CARNMT1: variants seen among roughly 807,000 people sequenced by gnomAD.
The protein encoded by CARNMT1 is protein-L-histidine N-pros-methyltransferase CARNMT1.
Under a neutral mutation model 49.6 loss-of-function variants are expected in CARNMT1, and 28 were observed. The ratio of observed to expected loss-of-function variants is 0.56; its 90% CI spans 0.42 to 0.77. The LOEUF (loss-of-function observed/expected upper bound fraction) is 0.77. Among genes scored for constraint, CARNMT1 ranks in the 30% least tolerant of loss-of-function variants. The pLI is 0.00. For synonymous variants in CARNMT1, 178 were observed against 175.0 expected, an observed-to-expected ratio of 1.02 and a Z score of -0.13; for missense variants, 421 against 512.6, an observed-to-expected ratio of 0.82 and a Z score of 1.73.
intron 3 of CARNMT1, among the ~76,000 whole-genome samples, chr9:75,006,186 G>A (rs34694398): frequency 6.6e-6 from 1 of 151,862 alleles, no homozygotes; most frequent in Non-Finnish European, 1.5e-5. Context: ...CAGGTAGCTG[G>A]GATTACAAGT....
intron 3 of CARNMT1, among the ~76,000 whole-genome samples, chr9:75,013,239 T>C (rs1833753244): frequency 1.3e-5 from 2 of 152,180 alleles, no homozygotes; most frequent in East Asian, 1.9e-4. Context: ...CCAACTGATA[T>C]TTCTCACCAT....
intron 3 of CARNMT1, among the ~76,000 whole-genome samples, chr9:75,011,560 G>C (rs959875930): frequency 1.3e-5 from 2 of 152,122 alleles, no homozygotes; most frequent in African/African-American, 4.8e-5. Context: ...TAGAGATGAG[G>C]TCTCACTACA....
intron 3 of CARNMT1, among the ~76,000 whole-genome samples, chr9:75,008,011 A>G (rs1057003134): frequency 5.3e-5 from 8 of 152,050 alleles, no homozygotes; most frequent in Admixed American, 3.3e-4. Context: ...TGCTTCTATT[A>G]CATTAGCAAC....
intron 3 of CARNMT1, among the ~76,000 whole-genome samples, chr9:75,006,564 AT>A (rs1321997438): frequency 1.3e-5 from 2 of 152,212 alleles, no homozygotes; most frequent in Non-Finnish European, 2.9e-5. Context: ...TAGATATTAC[AT>A]TTCAGTGTAC....
chr9:74,986,770 C>T (rs1205300912), intron 6 of CARNMT1, among the ~76,000 whole-genome samples: 1 of 152,186 alleles, frequency 6.6e-6, no homozygotes, highest in Non-Finnish European at 1.5e-5. Context: ...ATCCCTACTG[C>T]TCATTCTTCT....
At chr9:75,028,397 T>C (rs1822597090), upstream of CARNMT1, 1 of 1,292,936 alleles carries the variant, frequency 7.7e-7, no homozygotes, top group Admixed American at 4.3e-5. Context: ...CCATCCGCGC[T>C]GGGCTCCGCC....
At chr9:75,027,920 G>A (rs1564110407) in intron 1 of CARNMT1, 92 bp downstream of exon 1, 3 of 1,355,224 alleles carry the variant, frequency 2.2e-6, no homozygotes, top group Admixed American at 3.8e-5. Flanking sequence ...GAGGCGTGGC[G>A]GCGGGACGGC....
chr9:75,016,462 T>C (rs760424605), intron 2 of CARNMT1, 31 bp from the exon 3 acceptor site: 2 of 1,607,156 alleles, frequency 1.2e-6, no homozygotes, highest in South Asian at 2.2e-5. Context: ...AATTAGCTTC[T>C]GAGAGAGTAA....
In CARNMT1 at chr9:74,998,755, A is replaced by G. The variant is rs748198436; in HGVS notation, c.753T>C (p.Tyr251=). ...ACTGATGGATCCAAGGATAAAGTTT[A>G]TATTTATTAATTTCAGAACATCTGC... is the stretch of plus-strand genomic sequence containing the variant. ...VLNRCSEINK[Y]KLYPWIHQFS... Residue 251 remains tyrosine, a synonymous_variant, in exon 5 of 8, where the codon TAT becomes TAC. Coordinates refer to ENST00000376834, the MANE Select transcript of CARNMT1 (RefSeq NM_152420.3). The G allele has an allele frequency of 6.5e-7, 1 of 1,530,534 alleles. No homozygotes were observed. The highest frequency in any genetic ancestry group is 8.8e-7 in the Non-Finnish European group (1 of 1,135,160). The allele number at this position is 1,530,534 out of a possible 1,614,324, so 94.8% of individuals were successfully genotyped here.
intron 7 of CARNMT1, 31 bp from the exon 8 acceptor site, chr9:74,983,899 G>A: frequency 6.7e-7 from 1 of 1,489,316 alleles, no homozygotes; most frequent in East Asian, 2.3e-5. Context: ...ATAATACTAT[G>A]ACAGTCATCA....
intron 6 of CARNMT1, among the ~76,000 whole-genome samples, chr9:74,993,554 A>T (rs1434969234): frequency 6.6e-6 from 1 of 152,158 alleles, no homozygotes; most frequent in Non-Finnish European, 1.5e-5. Flanking sequence ...GTCCTTAAGG[A>T]AATTACTACA....
rs1467151201 is a variant in CARNMT1, at chr9:75,027,085, C to T, written c.230+927G>A. 2.3e-6 allele frequency: 3 copies of T among 1,304,188 alleles called. No homozygotes were observed. In the African/African-American group the frequency reaches 4.6e-5, roughly 20 times the overall value. 80.8% of individuals were successfully genotyped at this position (1,304,188 alleles called of 1,614,324 possible). On this transcript the variant is annotated intron_variant, in intron 1 of 7. Transcript: ENST00000376834. The stretch of plus-strand genomic sequence containing the variant: ...GGAGGTCATGTCTGTCTGATTCCAA[C>T]TGCAGCCTCAGAACATAGTCACCGG...
At chr9:75,010,707 C>T (rs1833665850) in intron 3 of CARNMT1, among the ~76,000 whole-genome samples, 1 of 152,058 alleles carries the variant, frequency 6.6e-6, no homozygotes, top group African/African-American at 2.4e-5. Flanking sequence ...TACCTAAACC[C>T]CAAGACATTA....
chr9:75,001,180 A>G (rs558807050), intron 3 of CARNMT1, among the ~76,000 whole-genome samples: 1 of 152,178 alleles, frequency 6.6e-6, no homozygotes, highest in Non-Finnish European at 1.5e-5. Context: ...AAGGATTTGG[A>G]AGTAAATTCA....
intron 1 of CARNMT1, among the ~76,000 whole-genome samples, chr9:75,021,510 G>A (rs1822363151): frequency 6.7e-6 from 1 of 148,502 alleles, no homozygotes; most frequent in African/African-American, 2.5e-5. Flanking sequence ...AAAGGAGTAG[G>A]TATATCTCAT....
At chr9:74,984,718 G>GA (rs1187114043) in intron 7 of CARNMT1, among the ~76,000 whole-genome samples, 189 bp downstream of exon 7, 3 of 152,156 alleles carry the variant, frequency 2.0e-5, no homozygotes, top group African/African-American at 4.8e-5. Context: ...TGCAAAATTG[G>GA]AAAAAAATCC....
intron 3 of CARNMT1, among the ~76,000 whole-genome samples, chr9:75,007,758 A>G (rs1230497268): frequency 1.3e-5 from 2 of 149,094 alleles, no homozygotes; most frequent in Non-Finnish European, 3.0e-5. Flanking sequence ...AAAAAAAAAA[A>G]CTAAGAAAAT....
In CARNMT1 at chr9:74,999,975, A is replaced by C. The variant is rs1369649696; in HGVS notation, c.591-105T>G. On this transcript the variant is annotated intron_variant, in intron 3 of 7. Coordinates refer to ENST00000376834, the MANE Select transcript of CARNMT1 (RefSeq NM_152420.3). Reference sequence around the variant, plus strand: ...CTTACTCATTTACTCAATAAGAATAAGCTAAGACTCTGACTTCTCACAATC... The same window carrying C: ...CTTACTCATTTACTCAATAAGAATACGCTAAGACTCTGACTTCTCACAATC... The C allele has an allele frequency of 1.7e-5, 17 of 995,976 alleles. No homozygotes were observed. The Admixed American group carries it at 1.9e-4, about 11-fold the overall frequency. The allele number at this position is 995,976 out of a possible 1,614,324, so 61.7% of individuals were successfully genotyped here.
chr9:75,007,648 G>C (rs1209224596), intron 3 of CARNMT1, among the ~76,000 whole-genome samples: 3 of 147,688 alleles, frequency 2.0e-5, no homozygotes, highest in Admixed American at 6.9e-5. Flanking sequence ...AGAATCACTT[G>C]AACCGAGGAG....
Sources: allele counts gnomAD v4.1 joint callset (sites outside exome capture counted in the v4.1 genomes callset), GRCh38; gene constraint gnomAD v4.1.1; transcripts MANE v1.5; gene names NCBI Gene and HGNC (gene_info 2026-07-23, HGNC 2026-07-21).